Variants in POU6F2 observed in about 807,000 individuals in gnomAD.
POU6F2 encodes POU domain, class 6, transcription factor 2.
Under a neutral mutation model 71.3 loss-of-function variants are expected in POU6F2, and 31 were observed. The observed-to-expected ratio is 0.43, with a 90% CI of 0.33 to 0.59. POU6F2 has a LOEUF of 0.59. Among genes scored for constraint, POU6F2 ranks in the 20% least tolerant of loss-of-function variants. The probability of loss-of-function intolerance (pLI) is 0.04; values close to 1 mark genes in which losing one functional copy is unlikely to be tolerated. For synonymous variants in POU6F2, 347 were observed against 355.7 expected (o/e 0.98, Z 0.27); for missense variants, 783 against 856.8 (o/e 0.91, Z 1.07).
intron 1 of POU6F2, among the ~76,000 whole-genome samples, chr7:39,047,080 C>T (rs1790305038): frequency 6.6e-6 from 1 of 151,898 alleles, no homozygotes; most frequent in Non-Finnish European, 1.5e-5. Context: ...TACAGCAATG[C>T]CTCACTGCCT....
intron 4 of POU6F2, among the ~76,000 whole-genome samples, chr7:39,331,258 T>C (rs536540904): frequency 4.4e-4 from 67 of 152,330 alleles, no homozygotes; most frequent in African/African-American, 1.6e-3. Flanking sequence ...GATGTCTCTT[T>C]GACTATATTG....
chr7:39,113,619 C>A (rs147493637), intron 2 of POU6F2, among the ~76,000 whole-genome samples: 35 of 152,238 alleles, frequency 2.3e-4, no homozygotes, highest in African/African-American at 8.2e-4. Flanking sequence ...TTGAAGAAGT[C>A]GTTGTGATAT....
chr7:39,208,660 C>A (rs1794073658), intron 4 of POU6F2, among the ~76,000 whole-genome samples: 1 of 152,308 alleles, frequency 6.6e-6, no homozygotes, highest in Admixed American at 6.5e-5. Context: ...TTCTTGACTT[C>A]CATTTTGATG....
chr7:39,352,902 T>C (rs905136609), intron 5 of POU6F2, among the ~76,000 whole-genome samples: 2 of 152,180 alleles, frequency 1.3e-5, no homozygotes, highest in African/African-American at 4.8e-5. Context: ...TGCCCCTTCC[T>C]ACCCAGCCAC....
chr7:39,448,554 G>C (rs1788579566), intron 7 of POU6F2, among the ~76,000 whole-genome samples: 1 of 152,132 alleles, frequency 6.6e-6, no homozygotes, highest in Admixed American at 6.5e-5. Flanking sequence ...TATGGACATG[G>C]AACAAGTTCT....
chr7:39,347,449 C>T (rs982099360), intron 5 of POU6F2, among the ~76,000 whole-genome samples: 1 of 152,018 alleles, frequency 6.6e-6, no homozygotes, highest in Admixed American at 6.6e-5. Context: ...GGGTGAGGAG[C>T]ACACACAGTA....
chr7:39,450,565 G>A (rs1263951760), intron 7 of POU6F2, among the ~76,000 whole-genome samples: 1 of 152,084 alleles, frequency 6.6e-6, no homozygotes, highest in African/African-American at 2.4e-5. Context: ...CTCCTCAGCT[G>A]AGCTCCTCTC....
chr7:39,134,772 T>C (rs1459792531), intron 2 of POU6F2, among the ~76,000 whole-genome samples: 4 of 152,172 alleles, frequency 2.6e-5, no homozygotes, highest in Admixed American at 2.6e-4. Context: ...TCTCAGAAAG[T>C]ACAGATGGCT....
intron 1 of POU6F2, among the ~76,000 whole-genome samples, chr7:39,054,097 A>G (rs191723093): frequency 2.0e-5 from 3 of 151,996 alleles, no homozygotes; most frequent in African/African-American, 7.2e-5. Flanking sequence ...GCAAGACTCC[A>G]TCTCCAAAAA....
At chr7:38,982,350 G>A (rs1229028) in intron 1 of POU6F2, among the ~76,000 whole-genome samples, 41,154 of 151,914 alleles carry the variant, frequency 0.27, 5,829 homozygotes, top group Middle Eastern at 0.37. Context: ...ATTATGGATG[G>A]ATGGTATACT....
At chr7:39,431,304 G>A (rs576919917) in intron 6 of POU6F2, among the ~76,000 whole-genome samples, 1 of 152,304 alleles carries the variant, frequency 6.6e-6, no homozygotes, top group East Asian at 1.9e-4. Context: ...CTTTTGTGGT[G>A]GAAGCAATGG....
intron 8 of POU6F2, among the ~76,000 whole-genome samples, chr7:39,457,592 C>A (rs1398051610): frequency 1.3e-5 from 2 of 152,118 alleles, no homozygotes. Context: ...ACAGAGTGCA[C>A]CACACCCAGA....
intron 2 of POU6F2, among the ~76,000 whole-genome samples, chr7:39,160,361 G>A (rs957718016): frequency 6.6e-6 from 1 of 152,098 alleles, no homozygotes; most frequent in South Asian, 2.1e-4. Flanking sequence ...CCTCCAGTCC[G>A]TCTTGTACTT....
At chr7:39,040,335 T>G (rs932060776) in intron 1 of POU6F2, among the ~76,000 whole-genome samples, 11 of 150,988 alleles carry the variant, frequency 7.3e-5, no homozygotes, top group African/African-American at 2.7e-4. Flanking sequence ...ACATAAAATT[T>G]CATTACATAG....
intron 1 of POU6F2, among the ~76,000 whole-genome samples, chr7:39,021,260 T>A (rs1463200234): frequency 6.6e-6 from 1 of 151,970 alleles, no homozygotes; most frequent in Admixed American, 6.6e-5. Flanking sequence ...TCCTTTGCTA[T>A]CTTTCTTTGG....
intron 1 of POU6F2, among the ~76,000 whole-genome samples, chr7:39,014,194 A>G (rs1789410742): frequency 6.6e-6 from 1 of 152,176 alleles, no homozygotes; most frequent in East Asian, 1.9e-4. Flanking sequence ...TAGTTACTTA[A>G]AAGCCAATGT....
At chr7:39,417,175 A>T (rs922074263) in intron 6 of POU6F2, among the ~76,000 whole-genome samples, 9 of 152,246 alleles carry the variant, frequency 5.9e-5, no homozygotes, top group African/African-American at 2.2e-4. Context: ...CATTAAATTC[A>T]CATGTGAGCG....
intron 1 of POU6F2, among the ~76,000 whole-genome samples, chr7:39,038,438 C>T (rs1279098420): frequency 6.6e-6 from 1 of 151,752 alleles, no homozygotes; most frequent in African/African-American, 2.4e-5. Context: ...GTATTTGAAT[C>T]CCAAAAGGTT....
At chr7:39,219,956 A>G (rs1794315721) in intron 4 of POU6F2, among the ~76,000 whole-genome samples, 1 of 152,246 alleles carries the variant, frequency 6.6e-6, no homozygotes, top group Admixed American at 6.5e-5. Context: ...TAATAGAGAT[A>G]AAATTTATAC....
Sources: allele counts gnomAD v4.1 joint callset (sites outside exome capture counted in the v4.1 genomes callset), GRCh38; gene constraint gnomAD v4.1.1; transcripts MANE v1.5; gene names NCBI Gene and HGNC (gene_info 2026-07-23, HGNC 2026-07-21).